MSS51: variants seen among roughly 807,000 people sequenced by gnomAD.
MSS51 encodes MSS51 mitochondrial translational activator.
A neutral mutation model predicts 40.2 loss-of-function variants in MSS51; 32 were observed. That is an observed-to-expected ratio of 0.80 (90% confidence interval 0.60 to 1.07). MSS51 has a LOEUF of 1.07. Ranked by LOEUF, MSS51 falls within the 50% of genes least tolerant of loss-of-function variation. The pLI, the probability that MSS51 is intolerant of heterozygous loss-of-function variation, is 0.00. For missense variants in MSS51, 518 were observed against 568.9 expected (o/e 0.91, Z 0.91); for synonymous variants, 178 against 214.2 (o/e 0.83, Z 1.48).
intron 5 of MSS51, among the ~76,000 whole-genome samples, chr10:73,425,444 G>A (rs1215454123): frequency 1.3e-5 from 2 of 152,032 alleles, no homozygotes; most frequent in Non-Finnish European, 2.9e-5. Context: ...GGAGGCAGAG[G>A]CGGGCGGATC....
intron 3 of MSS51, among the ~76,000 whole-genome samples, chr10:73,426,997 C>G (rs1057115879): frequency 6.6e-6 from 1 of 152,138 alleles, no homozygotes; most frequent in African/African-American, 2.4e-5. Flanking sequence ...AAAAACACCA[C>G]GAGTTTGCAG....
Position 73,425,130 on chromosome 10 carries a change from G to A in MSS51, c.1131C>T (p.Asp377=), listed in dbSNP as rs761654825. ...CAGTAATCAATGTAGGAATCTTATA[G>A]TCACGAAGTAGCAGCAGGGTGGGCA... ...AWLPTLLLLR[D]YKIPTLITVY... The change falls in exon 6 of 7, where the codon GAC becomes GAT. Residue 377 remains aspartate (D), a synonymous_variant. Transcript: ENST00000299432. The A allele has an allele frequency of 3.7e-6, 6 of 1,611,590 alleles. No individual in the cohort carries two copies. In the Admixed American group the frequency reaches 1.0e-4, roughly 27 times the overall value.
intron 2 of MSS51, 117 bp downstream of exon 2, chr10:73,427,947 G>A (rs993519942): frequency 8.3e-7 from 1 of 1,210,776 alleles, no homozygotes; most frequent in Non-Finnish European, 1.2e-6. Context: ...GCAAAAGGAT[G>A]AGAAAATCTC....
chr10:73,429,555 T>C, intron 1 of MSS51: 1 of 454,854 alleles, frequency 2.2e-6, no homozygotes, highest in Non-Finnish European at 4.4e-6. Context: ...AGTTATGTAG[T>C]CAAGCAAGTC....
At position 73,427,633 on chromosome 10, in the gene MSS51, C is replaced by T. The variant is rs752968666; in HGVS notation, c.357G>A (p.Lys119=). ...GTCACCTCTTACAGTGCCGGAGAAC[C>T]TTGGAGTCTGAAAGCCCACTAGGGA... ...RALPSGLSDS[K]VLRHCKRCRN... is the part of the protein sequence containing the mutation. Residue 119 remains lysine (K), a synonymous_variant, in exon 3 of 7, where the codon AAG becomes AAA. Transcript: ENST00000299432. 1.2e-6 allele frequency: 2 copies of T among 1,612,920 alleles called. No homozygotes were observed. Among genetic ancestry groups the T allele is most frequent in the Non-Finnish European group, 1.7e-6 (2 of 1,179,094 alleles).
intron 1 of MSS51, among the ~76,000 whole-genome samples, chr10:73,430,840 C>T (rs80167349): frequency 2.4e-3 from 365 of 152,156 alleles, no homozygotes; most frequent in African/African-American, 7.5e-3. Flanking sequence ...CAGCACTATT[C>T]GCAACAGCTA....
At chr10:73,430,633 G>C (rs1454152910) in intron 1 of MSS51, among the ~76,000 whole-genome samples, 2 of 151,404 alleles carry the variant, frequency 1.3e-5, no homozygotes, top group Non-Finnish European at 2.9e-5. Flanking sequence ...GTGTTGATGA[G>C]GATATGGAGT....
At chr10:73,432,570 G>T (rs1277157784) in intron 1 of MSS51, among the ~76,000 whole-genome samples, 1 of 152,186 alleles carries the variant, frequency 6.6e-6, no homozygotes, top group African/African-American at 2.4e-5. Flanking sequence ...TCTAAAGGAA[G>T]ATTAGCTCTT....
intron 1 of MSS51, among the ~76,000 whole-genome samples, chr10:73,432,904 G>A (rs56721165): frequency 0.045 from 6,781 of 152,084 alleles, 458 homozygotes; most frequent in African/African-American, 0.15. Context: ...GAGAAACAAA[G>A]GAAAAAACAG....
chr10:73,426,813 C>G, intron 3 of MSS51, 82 bp from the exon 4 acceptor site: 1 of 1,513,110 alleles, frequency 6.6e-7, no homozygotes, highest in Non-Finnish European at 9.0e-7. Flanking sequence ...ATTCCTGCAC[C>G]TAGGATGGTG....
At chr10:73,431,694 C>T (rs906689626) in intron 1 of MSS51, among the ~76,000 whole-genome samples, 3 of 152,162 alleles carry the variant, frequency 2.0e-5, no homozygotes, top group Non-Finnish European at 4.4e-5. Context: ...ATGTTTCCAT[C>T]CACCCTCTTA....
At chr10:73,425,765 T>G (rs2055979958) in intron 5 of MSS51, 46 bp downstream of exon 5, 1 of 1,531,982 alleles carries the variant, frequency 6.5e-7, no homozygotes, top group Admixed American at 2.0e-5. Flanking sequence ...GGATGGAAAA[T>G]TCTCAGGGGA....
chr10:73,426,499 C>A (rs2055989372), intron 4 of MSS51, 108 bp downstream of exon 4: 1 of 1,587,910 alleles, frequency 6.3e-7, no homozygotes. Context: ...CGTGCCCCAT[C>A]CTTTGCCCCA....
At chr10:73,433,357 AG>A (rs1491351125) in intron 1 of MSS51, among the ~76,000 whole-genome samples, 155 bp downstream of exon 1, 1 of 152,174 alleles carries the variant, frequency 6.6e-6, no homozygotes, top group Non-Finnish European at 1.5e-5. Context: ...GATCCTTATA[AG>A]GGGGTAGGAA....
chr10:73,424,884 C>A, intron 6 of MSS51, 112 bp from the exon 7 acceptor site: 1 of 913,302 alleles, frequency 1.1e-6, no homozygotes, highest in Non-Finnish European at 1.7e-6. Context: ...TTGCCTAAGG[C>A]TGGACTAGGC....
Position 73,425,991 on chromosome 10 carries a change from G to A in MSS51, c.889C>T (p.Arg297Cys), listed in dbSNP as rs140936768. ...ACATCTACACCCACCATGACCACAC[G>A]GAGTCCAAGGTGCCCAGGAAACATG... ...GYMFPGHLGL[R>C]VVMVGVDVAT... The change falls in exon 5 of 7, where the codon CGT becomes TGT. Residue 297 changes from arginine (R) to cysteine (C), a missense_variant. Transcript: ENST00000299432. 2.3e-3 allele frequency: 3,750 copies of A among 1,614,122 alleles called. 7 individuals carry two copies. The highest frequency in any genetic ancestry group is 2.6e-3 in the Non-Finnish European group (3,011 of 1,180,024).
rs770822117 is a variant in MSS51 at position 73,429,787 on chromosome 10, A to G, written c.-17-1486T>C. On this transcript the variant is annotated intron_variant, in intron 1 of 6. Coordinates refer to ENST00000299432, the MANE Select transcript of MSS51 (RefSeq NM_001024593.2). ...GATGAAATCATTTGCGAAACACTAT[A>G]TATAGAAGCAAATATGAGAAATATA... The G allele has an allele frequency of 7.6e-4, 319 of 420,838 alleles. 4 individuals are homozygous for G. Among genetic ancestry groups the G allele is most frequent in the Middle Eastern group, 6.1e-3 (17 of 2,788 alleles). 26.1% of individuals were successfully genotyped at this position (420,838 alleles called of 1,614,324 possible).
chr10:73,430,098 T>C (rs975364470), intron 1 of MSS51, among the ~76,000 whole-genome samples: 5 of 152,042 alleles, frequency 3.3e-5, no homozygotes, highest in Non-Finnish European at 7.4e-5. Context: ...ATTAATGAAA[T>C]AGAATGACTC....
rs538215207 is a variant in MSS51 at position 73,426,298 on chromosome 10, C to T, written c.582G>A (p.Lys194=). 3 of 1,608,222 alleles carry T rather than the reference C, an allele frequency of 1.9e-6. No homozygotes were observed. In the East Asian group the frequency reaches 6.7e-5, roughly 36 times the overall value. Residue 194 remains lysine, a synonymous_variant, in exon 5 of 7, where the codon AAG becomes AAA. Coordinates refer to ENST00000299432, the MANE Select transcript of MSS51 (RefSeq NM_001024593.2). ...CCAATGTAGCATCTAGGTGTAACCC[C>T]TTCATAGAAAACCAGGAGTCCCAGT... is the stretch of plus-strand genomic sequence containing the variant. ...VQDWDSWFSM[K]GLHLDATLDA...
Sources: gnomAD v4.1 joint callset for allele counts (sites outside exome capture counted in the v4.1 genomes callset) on GRCh38, gnomAD v4.1.1 for gene constraint, MANE v1.5 for transcripts, NCBI Gene and HGNC (gene_info 2026-07-23, HGNC 2026-07-21) for gene names.